Variants in SLC24A2 observed in about 807,000 individuals in gnomAD.
The protein encoded by SLC24A2 is sodium/potassium/calcium exchanger 2.
A neutral mutation model predicts 62.0 loss-of-function variants in SLC24A2; 36 were observed. That is an observed-to-expected ratio of 0.58 (90% CI 0.44 to 0.77). The LOEUF (loss-of-function observed/expected upper bound fraction) is 0.77. Among genes scored for constraint, SLC24A2 ranks in the 30% least tolerant of loss-of-function variants. The probability of loss-of-function intolerance (pLI) is 0.00; values close to 1 mark genes in which losing one functional copy is unlikely to be tolerated. For synonymous variants in SLC24A2, 358 were observed against 294.0 expected (o/e 1.22, Z -2.23); for missense variants, 846 against 817.9 (o/e 1.03, Z -0.42).
chr9:19,696,554 T>C (rs1362919236), intron 2 of SLC24A2, among the ~76,000 whole-genome samples: 2 of 152,194 alleles, frequency 1.3e-5, no homozygotes. Flanking sequence ...GAGTATGTGA[T>C]GTTTTATTTC....
At chr9:19,945,051 T>C in the SLC24A2 span, among the ~76,000 whole-genome samples, 2 of 152,192 alleles carry the variant, frequency 1.3e-5, no homozygotes, top group Non-Finnish European at 2.9e-5. Flanking sequence ...ACACATCTCA[T>C]CTGCTTTTCT....
rs942695003 is a variant in SLC24A2 at position 19,514,679 on chromosome 9, A to T, written c.*1474T>A. On this transcript the variant is annotated 3_prime_UTR_variant, in exon 11 of 11. Transcript: ENST00000341998. Reference sequence around the variant, plus strand: ...GAGTGAATAGCTTGAAACCAGTATAAGGAAGCTGTCAAATACCGTGTACTC... The same window carrying T: ...GAGTGAATAGCTTGAAACCAGTATATGGAAGCTGTCAAATACCGTGTACTC... The T allele has an allele frequency of 6.6e-6, 1 of 152,192 alleles. No individual in the cohort carries two copies. The highest frequency in any genetic ancestry group is 1.5e-5 in the Non-Finnish European group (1 of 68,046). 9.4% of individuals were successfully genotyped at this position (152,192 alleles called of 1,614,324 possible).
intron 3 of SLC24A2, 107 bp from the exon 4 acceptor site, chr9:19,619,799 C>T (rs746799905): frequency 3.6e-6 from 3 of 841,436 alleles, no homozygotes; most frequent in Non-Finnish European, 6.1e-6. Flanking sequence ...GTCGCATGAT[C>T]ACACAGTATT....
the SLC24A2 span, among the ~76,000 whole-genome samples, chr9:20,164,429 A>G: frequency 1.3e-5 from 2 of 152,290 alleles, no homozygotes; most frequent in African/African-American, 4.8e-5. Context: ...CAAAACCACG[A>G]TGAGATACCA....
intron 2 of SLC24A2, among the ~76,000 whole-genome samples, chr9:19,688,424 A>G (rs1370563458): frequency 6.6e-6 from 1 of 152,160 alleles, no homozygotes; most frequent in African/African-American, 2.4e-5. Flanking sequence ...GACTTACTAC[A>G]CATTTGTTAA....
the SLC24A2 span, among the ~76,000 whole-genome samples, chr9:20,163,429 G>A: frequency 3.3e-5 from 5 of 152,190 alleles, no homozygotes; most frequent in South Asian, 4.1e-4. Context: ...TACAAGGGAC[G>A]TGAAGGACCT....
At chr9:20,267,795 A>G in the SLC24A2 span, among the ~76,000 whole-genome samples, 1 of 152,166 alleles carries the variant, frequency 6.6e-6, no homozygotes, top group Non-Finnish European at 1.5e-5. Context: ...TCATGTGTCA[A>G]GTATCTATAA....
rs1820109240 is a variant in SLC24A2 at position 19,693,794 on chromosome 9, T to C, written c.931-71495A>G. Reference sequence around the variant, plus strand: ...TTCCGAGGCACTCTTTATTTATTTATTTATTTTTTAAAAATAACTTCTTCC... The same window carrying C: ...TTCCGAGGCACTCTTTATTTATTTACTTATTTTTTAAAAATAACTTCTTCC... On this transcript the variant is annotated intron_variant, in intron 2 of 10. Transcript: ENST00000341998. 3.3e-5 allele frequency among the ~76,000 whole-genome samples: 5 copies of C among 152,028 alleles called. No homozygotes were observed. In the South Asian group the frequency reaches 1.0e-3, roughly 31 times the overall value.
At chr9:20,239,176 A>G in the SLC24A2 span, among the ~76,000 whole-genome samples, 1 of 152,262 alleles carries the variant, frequency 6.6e-6, no homozygotes, top group Non-Finnish European at 1.5e-5. Flanking sequence ...TGGTCCTGTA[A>G]GTGGACTGAG....
At chr9:19,816,166 T>C in the SLC24A2 span, among the ~76,000 whole-genome samples, 2 of 152,086 alleles carry the variant, frequency 1.3e-5, no homozygotes, top group Non-Finnish European at 2.9e-5. Flanking sequence ...CTTCTTTGCA[T>C]AGTTAAATCC....
the SLC24A2 span, among the ~76,000 whole-genome samples, chr9:19,873,521 C>CTCCTTCCT: frequency 8.6e-6 from 1 of 116,258 alleles, no homozygotes; most frequent in East Asian, 2.9e-4. Flanking sequence ...CTTTCTCTCT[C>CTCCTTCCT]TCCTTCCTTT....
chr9:20,113,025 T>C, the SLC24A2 span, among the ~76,000 whole-genome samples: 2 of 152,126 alleles, frequency 1.3e-5, no homozygotes, highest in African/African-American at 4.8e-5. Context: ...CATTAGCTGT[T>C]TGGCTAATGT....
At chr9:19,792,287 G>A (rs1201491092), upstream of SLC24A2, among the ~76,000 whole-genome samples, 1 of 152,150 alleles carries the variant, frequency 6.6e-6, no homozygotes, top group African/African-American at 2.4e-5. Context: ...AAAGAAGCAA[G>A]TAGCTCTGGA....
At chr9:19,517,356 G>A (rs1020031833) in intron 10 of SLC24A2, among the ~76,000 whole-genome samples, 1 of 152,178 alleles carries the variant, frequency 6.6e-6, no homozygotes, top group Non-Finnish European at 1.5e-5. Context: ...AAAAGCTAAG[G>A]GAGGTTCAGT....
At chr9:19,941,768 C>G in the SLC24A2 span, among the ~76,000 whole-genome samples, 1 of 152,076 alleles carries the variant, frequency 6.6e-6, no homozygotes, top group East Asian at 1.9e-4. Context: ...TAACACGATA[C>G]TGGATTATTA....
the SLC24A2 span, among the ~76,000 whole-genome samples, chr9:20,240,785 A>G: frequency 2.6e-5 from 4 of 152,148 alleles, no homozygotes; most frequent in African/African-American, 7.2e-5. Context: ...AGGGCTTCTA[A>G]GAAGAGGTTA....
the SLC24A2 span, among the ~76,000 whole-genome samples, chr9:20,081,549 C>T: frequency 6.6e-6 from 1 of 151,768 alleles, no homozygotes; most frequent in Admixed American, 6.6e-5. Context: ...TTAATGGGTG[C>T]AGCACACCAG....
At chr9:19,761,025 C>T (rs1409503908) in intron 2 of SLC24A2, among the ~76,000 whole-genome samples, 1 of 151,992 alleles carries the variant, frequency 6.6e-6, no homozygotes, top group African/African-American at 2.4e-5. Flanking sequence ...AACAAATCTG[C>T]ATGTTGTGCA....
At chr9:20,294,987 T>G in the SLC24A2 span, among the ~76,000 whole-genome samples, 1 of 151,190 alleles carries the variant, frequency 6.6e-6, no homozygotes, top group Non-Finnish European at 1.5e-5. Flanking sequence ...AAATAAATAA[T>G]AAGATAAAAC....
Sources: gnomAD v4.1 joint callset for allele counts (sites outside exome capture counted in the v4.1 genomes callset) on GRCh38, gnomAD v4.1.1 for gene constraint, MANE v1.5 for transcripts, NCBI Gene and HGNC (gene_info 2026-07-23, HGNC 2026-07-21) for gene names.